The following DPP6 variants were observed in gnomAD, a reference collection of about 807,000 sequenced individuals.
The protein encoded by DPP6 is dipeptidyl peptidase like 6, also known as A-type potassium channel modulatory protein DPP6.
Under a neutral mutation model 122.6 loss-of-function variants are expected in DPP6, and 69 were observed. That is an observed-to-expected ratio of 0.56 (90% CI 0.46 to 0.69). DPP6 has a LOEUF of 0.69. Among genes scored for constraint, DPP6 ranks in the 30% least tolerant of loss-of-function variants. DPP6 has a pLI of 0.00. For missense variants in DPP6, 928 were observed against 1,116.9 expected (o/e 0.83, Z 2.41); for synonymous variants, 418 against 433.1 (o/e 0.97, Z 0.43).
At chr7:153,943,942 G>GGCCTTTCC (rs1801816589) in intron 1 of DPP6, among the ~76,000 whole-genome samples, 1 of 152,172 alleles carries the variant, frequency 6.6e-6, no homozygotes, top group South Asian at 2.1e-4. Flanking sequence ...GGCAGTTCCA[G>GGCCTTTCC]TGGAGTCTGC....
chr7:154,051,215 A>G (rs549557664), upstream of DPP6, among the ~76,000 whole-genome samples: 5 of 122,254 alleles, frequency 4.1e-5, 1 homozygote, highest in South Asian at 1.3e-3. Context: ...CCCTACCTCC[A>G]TGTGGAAGGA....
chr7:153,997,687 A>G (rs1021709068), intron 1 of DPP6, among the ~76,000 whole-genome samples: 5 of 149,030 alleles, frequency 3.4e-5, no homozygotes, highest in Admixed American at 1.3e-4. Context: ...AAATTAAGGC[A>G]TCCAACAATC....
At chr7:154,616,514 G>T (rs919353734) in intron 5 of DPP6, among the ~76,000 whole-genome samples, 76 of 152,220 alleles carry the variant, frequency 5.0e-4, no homozygotes, top group African/African-American at 1.7e-3. Context: ...ACAGAGAGTT[G>T]CTGGTTTAGG....
At chr7:153,817,333 A>G in the DPP6 span, among the ~76,000 whole-genome samples, 3,475 of 139,834 alleles carry the variant, frequency 0.025, 198 homozygotes, top group African/African-American at 0.045. Flanking sequence ...TTAGAAAATC[A>G]GGCTACTTTC....
intron 1 of DPP6, among the ~76,000 whole-genome samples, chr7:154,209,910 A>C (rs1193732933): frequency 6.6e-6 from 1 of 152,222 alleles, no homozygotes; most frequent in African/African-American, 2.4e-5. Flanking sequence ...ACTAACAGAT[A>C]TGCATGCAGT....
the DPP6 span, among the ~76,000 whole-genome samples, chr7:153,758,438 A>G: frequency 6.6e-6 from 1 of 151,632 alleles, no homozygotes. Context: ...ATACCCGTGA[A>G]AACGCCACGG....
intron 1 of DPP6, among the ~76,000 whole-genome samples, chr7:153,975,617 C>T (rs1455218082): frequency 6.6e-6 from 1 of 150,876 alleles, no homozygotes; most frequent in Non-Finnish European, 1.5e-5. Context: ...TAAGTCATAC[C>T]TAAAATTTCC....
At chr7:154,396,564 A>G (rs62475097) in intron 1 of DPP6, among the ~76,000 whole-genome samples, 3,323 of 152,316 alleles carry the variant, frequency 0.022, 46 homozygotes, top group Non-Finnish European at 0.032. Flanking sequence ...TAAAAAGACA[A>G]TCGGTGAAGG....
chr7:154,636,364 A>G (rs1835725851), intron 5 of DPP6, among the ~76,000 whole-genome samples: 1 of 152,212 alleles, frequency 6.6e-6, no homozygotes, highest in Non-Finnish European at 1.5e-5. Flanking sequence ...CTCAGGACAC[A>G]GGAGCCAGCA....
At chr7:154,793,988 G>A (rs954298882) in intron 10 of DPP6, 91 bp from the exon 11 acceptor site, 2 of 1,508,778 alleles carry the variant, frequency 1.3e-6, no homozygotes, top group Non-Finnish European at 1.8e-6. Context: ...CCCGGCTCCC[G>A]TGTCGTGTCC....
At chr7:154,397,490 G>T (rs1466323748) in intron 1 of DPP6, among the ~76,000 whole-genome samples, 1 of 152,120 alleles carries the variant, frequency 6.6e-6, no homozygotes, top group African/African-American at 2.4e-5. Context: ...CAATGTCTTT[G>T]TTATGAAGTC....
the DPP6 span, among the ~76,000 whole-genome samples, chr7:153,808,214 C>A: frequency 6.9e-6 from 1 of 144,724 alleles, no homozygotes; most frequent in Non-Finnish European, 1.5e-5. Context: ...AGTGTGTGTG[C>A]CTGAGTGTGC....
intron 1 of DPP6, among the ~76,000 whole-genome samples, chr7:154,072,744 G>A (rs547958365): frequency 1.9e-3 from 285 of 152,362 alleles, no homozygotes; most frequent in Middle Eastern, 0.01. Flanking sequence ...CGTTTGTTTG[G>A]GGGACTTGTC....
rs1801598930 is a variant in DPP6, at chr7:154,241,294, A to G, written c.243+188231A>G. On this transcript the variant is annotated intron_variant, in intron 1 of 25. Coordinates refer to ENST00000377770, the MANE Select transcript of DPP6 (RefSeq NM_130797.4). This position sits in a 1 kb window ranked among gnomAD's most constrained non-coding sequence, Gnocchi z 9.0. ...AAACATATTCATAACTATGTTTTCC[A>G]TTAAAGTATGTTTTCCATTAAAATG... is the stretch of plus-strand genomic sequence containing the variant. Among the ~76,000 whole-genome samples, 1 of 151,774 alleles carries G rather than the reference A, an allele frequency of 6.6e-6. No individual in the cohort carries two copies. The highest frequency in any genetic ancestry group is 6.6e-5 in the Admixed American group (1 of 15,212).
intron 1 of DPP6, among the ~76,000 whole-genome samples, chr7:154,442,256 C>T (rs1819443073): frequency 1.3e-5 from 2 of 152,024 alleles, no homozygotes; most frequent in South Asian, 4.2e-4. Flanking sequence ...AGTTTGCCCC[C>T]CTGGTAATGA....
the DPP6 span, among the ~76,000 whole-genome samples, chr7:153,789,584 G>A: frequency 1.3e-5 from 2 of 152,294 alleles, no homozygotes; most frequent in East Asian, 1.9e-4. Context: ...ACAGCTGGAT[G>A]CTAGACTACA....
the DPP6 span, among the ~76,000 whole-genome samples, chr7:153,834,391 A>C: frequency 6.6e-6 from 1 of 152,026 alleles, no homozygotes; most frequent in Non-Finnish European, 1.5e-5. Context: ...CATGGTGTAG[A>C]TCTGGAGCAA....
chr7:154,425,597 GA>G (rs3056538), intron 1 of DPP6, among the ~76,000 whole-genome samples: 1 of 105,476 alleles, frequency 9.5e-6, no homozygotes, highest in Non-Finnish European at 2.2e-5. Context: ...TTAGTTTGGG[GA>G]AAAAAATGTG....
At chr7:154,078,815 A>G (rs958996980) in intron 1 of DPP6, among the ~76,000 whole-genome samples, 1 of 152,154 alleles carries the variant, frequency 6.6e-6, no homozygotes, top group African/African-American at 2.4e-5. Flanking sequence ...TTGGAGAAAC[A>G]AATTCATCCA....
Sources: allele counts gnomAD v4.1 joint callset (sites outside exome capture counted in the v4.1 genomes callset), GRCh38; gene constraint gnomAD v4.1.1; non-coding constraint Gnocchi (gnomAD v3.1); transcripts MANE v1.5; gene names NCBI Gene and HGNC (gene_info 2026-07-23, HGNC 2026-07-21).